The following CAB39L variants were observed in gnomAD, a reference collection of about 807,000 sequenced individuals.
CAB39L encodes the protein calcium binding protein 39 like, also known as calcium-binding protein 39-like.
A neutral mutation model predicts 39.1 loss-of-function variants in CAB39L; 23 were observed. The ratio of observed to expected loss-of-function variants is 0.59; its 90% CI spans 0.42 to 0.83. The LOEUF (loss-of-function observed/expected upper bound fraction) is 0.83. CAB39L is among the 40% of genes least tolerant of loss of function. The pLI is 0.00. For synonymous variants in CAB39L, 126 were observed against 137.2 expected (o/e 0.92, Z 0.57); for missense variants, 366 against 391.9 (o/e 0.93, Z 0.56).
intron 10 of CAB39L, among the ~76,000 whole-genome samples, chr13:49,324,423 CA>C (rs1954441150): frequency 6.6e-6 from 1 of 152,090 alleles, no homozygotes; most frequent in Non-Finnish European, 1.5e-5. Context: ...CACTATGTGC[CA>C]AAAACCCTTC....
chr13:49,348,293 G>A (rs547463457), intron 7 of CAB39L, among the ~76,000 whole-genome samples: 7 of 152,282 alleles, frequency 4.6e-5, no homozygotes, highest in South Asian at 2.1e-4. Flanking sequence ...GTGGCCGGGC[G>A]CAGTGACTCA....
intron 6 of CAB39L, among the ~76,000 whole-genome samples, chr13:49,357,048 CAAAAAA>C (rs11447143): frequency 2.4e-5 from 3 of 123,226 alleles, no homozygotes; most frequent in Middle Eastern, 4.0e-3. Context: ...GACTCCATCT[CAAAAAA>C]AAAAAAAAAG....
At chr13:49,376,892 T>TAGATAGAC (rs1555260023) in intron 5 of CAB39L, 75 bp downstream of exon 5, 1 of 900,390 alleles carries the variant, frequency 1.1e-6, no homozygotes, top group African/African-American at 4.3e-5. Flanking sequence ...AGTTGAATAG[T>TAGATAGAC]AGATAGATAG....
intron 1 of CAB39L, among the ~76,000 whole-genome samples, chr13:49,440,149 T>C (rs569067126): frequency 6.6e-6 from 1 of 152,296 alleles, no homozygotes; most frequent in South Asian, 2.1e-4. Context: ...TCATAAATTC[T>C]TTCCCAAGGC....
At chr13:49,433,862 G>T (rs1957366290) in intron 2 of CAB39L, among the ~76,000 whole-genome samples, 1 of 152,144 alleles carries the variant, frequency 6.6e-6, no homozygotes, top group South Asian at 2.1e-4. Flanking sequence ...ACAAAACATA[G>T]AAGAGCACTG....
At chr13:49,435,142 T>C (rs913536917) in intron 1 of CAB39L, among the ~76,000 whole-genome samples, 1 of 152,248 alleles carries the variant, frequency 6.6e-6, no homozygotes, top group Non-Finnish European at 1.5e-5. Context: ...TATTGGTATA[T>C]AGAGACTTTC....
At chr13:49,356,773 T>C (rs971886104) in intron 6 of CAB39L, among the ~76,000 whole-genome samples, 1 of 151,996 alleles carries the variant, frequency 6.6e-6, no homozygotes, top group African/African-American at 2.4e-5. Context: ...AATTAGAAAA[T>C]GGTAACAGGG....
intron 9 of CAB39L, among the ~76,000 whole-genome samples, chr13:49,338,784 T>C (rs1430784592): frequency 6.6e-6 from 1 of 152,210 alleles, no homozygotes; most frequent in Non-Finnish European, 1.5e-5. Flanking sequence ...GGAATGACCA[T>C]GTTTCATATT....
At chr13:49,372,134 T>C (rs1161641180) in intron 5 of CAB39L, among the ~76,000 whole-genome samples, 1 of 152,148 alleles carries the variant, frequency 6.6e-6, no homozygotes, top group Non-Finnish European at 1.5e-5. Context: ...TCTAAAGCTG[T>C]GTCTTGAATA....
intron 3 of CAB39L, among the ~76,000 whole-genome samples, chr13:49,394,843 A>G (rs1956573269): frequency 6.6e-6 from 1 of 152,114 alleles, no homozygotes; most frequent in Non-Finnish European, 1.5e-5. Context: ...AAAACCAGCG[A>G]CTTATTAAAT....
intron 10 of CAB39L, among the ~76,000 whole-genome samples, chr13:49,315,236 G>A (rs901901387): frequency 6.6e-6 from 1 of 152,194 alleles, no homozygotes; most frequent in Admixed American, 6.5e-5. Flanking sequence ...GCACGTCCCT[G>A]TGGTCACGAG....
intron 5 of CAB39L, among the ~76,000 whole-genome samples, chr13:49,374,731 T>A (rs759239530): frequency 6.6e-6 from 1 of 152,196 alleles, no homozygotes; most frequent in Non-Finnish European, 1.5e-5. Flanking sequence ...ACCTATGAGG[T>A]TCTGTGGCTG....
chr13:49,396,629 AC>A (rs1956636644), intron 3 of CAB39L, among the ~76,000 whole-genome samples: 1 of 151,782 alleles, frequency 6.6e-6, no homozygotes, highest in Non-Finnish European at 1.5e-5. Context: ...AATCACTTGA[AC>A]CCAGAAGGCG....
chr13:49,332,534 C>A (rs1235239153), intron 9 of CAB39L, among the ~76,000 whole-genome samples: 4 of 152,054 alleles, frequency 2.6e-5, no homozygotes, highest in African/African-American at 9.7e-5. Context: ...TCTTACATTT[C>A]CCCTGACTTT....
chr13:49,359,548 C>T (rs900669089), intron 6 of CAB39L, among the ~76,000 whole-genome samples, 166 bp downstream of exon 6: 3 of 152,150 alleles, frequency 2.0e-5, no homozygotes, highest in African/African-American at 7.2e-5. Flanking sequence ...AAGGATTTTG[C>T]TGCAGTAATC....
intron 5 of CAB39L, among the ~76,000 whole-genome samples, chr13:49,367,561 G>A (rs949701929): frequency 5.3e-5 from 8 of 152,186 alleles, no homozygotes; most frequent in Non-Finnish European, 7.3e-5. Flanking sequence ...CAATTAGTAG[G>A]TGAATCTTCA....
intron 3 of CAB39L, among the ~76,000 whole-genome samples, chr13:49,396,028 G>A (rs930620155): frequency 6.7e-6 from 1 of 150,270 alleles, no homozygotes; most frequent in South Asian, 2.1e-4. Flanking sequence ...ACTTTGGGAG[G>A]TCAAGGCTGC....
intron 4 of CAB39L, among the ~76,000 whole-genome samples, chr13:49,377,815 CCG>C (rs1956121544): frequency 1.0e-5 from 1 of 95,466 alleles, no homozygotes. Flanking sequence ...GGCCGCCACC[CCG>C]TCTGGGATGT....
At chr13:49,384,490 A>T (rs1482601362) in intron 3 of CAB39L, among the ~76,000 whole-genome samples, 1 of 152,144 alleles carries the variant, frequency 6.6e-6, no homozygotes, top group Non-Finnish European at 1.5e-5. Flanking sequence ...TCTTAATGGC[A>T]TCTAGAATGA....
Sources: allele counts gnomAD v4.1 joint callset (sites outside exome capture counted in the v4.1 genomes callset), GRCh38; gene constraint gnomAD v4.1.1; transcripts MANE v1.5; gene names NCBI Gene and HGNC (gene_info 2026-07-23, HGNC 2026-07-21).